Variants in VEPH1 observed in about 807,000 individuals in gnomAD.
VEPH1 encodes ventricular zone-expressed PH domain-containing protein homolog 1.
A neutral mutation model predicts 85.2 loss-of-function variants in VEPH1; 80 were observed. That is an observed-to-expected ratio of 0.94 (90% CI 0.78 to 1.13). The LOEUF (loss-of-function observed/expected upper bound fraction) is 1.13, where lower values mean the gene tolerates loss of function less well. VEPH1 is among the 50% of genes most tolerant of loss of function. VEPH1 has a pLI of 0.00. For synonymous variants in VEPH1, 297 were observed against 348.0 expected (o/e 0.85, Z 1.63); for missense variants, 955 against 980.5 (o/e 0.97, Z 0.35).
chr3:157,291,819 GCA>G (rs1345726573), intron 11 of VEPH1, among the ~76,000 whole-genome samples: 2 of 152,104 alleles, frequency 1.3e-5, no homozygotes, highest in Non-Finnish European at 2.9e-5. Context: ...ACTAATTGAA[GCA>G]CATAGATCTT....
intron 7 of VEPH1, among the ~76,000 whole-genome samples, chr3:157,365,867 G>C (rs999945538): frequency 8.6e-5 from 13 of 152,046 alleles, no homozygotes; most frequent in Non-Finnish European, 1.8e-4. Context: ...GGAATTTTAG[G>C]GGTTATTATG....
rs150190981 is a variant in VEPH1 at position 157,291,930 on chromosome 3, T to C, written c.2011-5256A>G. On this transcript the variant is annotated intron_variant, in intron 11 of 13. Coordinates refer to ENST00000362010, the MANE Select transcript of VEPH1 (RefSeq NM_001167912.2). ...TTCCAGACTACATTTGTTAAAAAAATCTATCTCTCTCTCTATATATCTATC... is the reference window on the plus strand; with the variant it reads ...TTCCAGACTACATTTGTTAAAAAAACCTATCTCTCTCTCTATATATCTATC... Among the ~76,000 whole-genome samples the C allele has an allele frequency of 9.4e-4, 143 of 152,356 alleles. 1 individual carries two copies. Among genetic ancestry groups the C allele is most frequent in the East Asian group, 1.5e-3 (8 of 5,190 alleles).
chr3:157,491,602 A>C (rs1239675232), intron 2 of VEPH1, among the ~76,000 whole-genome samples: 2 of 152,072 alleles, frequency 1.3e-5, no homozygotes, highest in Non-Finnish European at 1.5e-5. Context: ...AAGTTTAATT[A>C]TTTTTGTGAG....
At chr3:157,289,002 T>C (rs1405825415) in intron 11 of VEPH1, among the ~76,000 whole-genome samples, 1 of 152,212 alleles carries the variant, frequency 6.6e-6, no homozygotes, top group African/African-American at 2.4e-5. Flanking sequence ...AAAAGACTTT[T>C]TTTTTAAAAA....
chr3:157,261,379 C>T lies in VEPH1; in HGVS notation c.2266-9G>A. On this transcript the variant is annotated splice_polypyrimidine_tract_variant and intron_variant, in intron 13 of 13. Transcript: ENST00000362010. ...TCGTCAGGGTCATCTTTCTGAAAGGCATGGGAAGAAAAGAACATGGGCTGG... is the reference window on the plus strand; with the variant it reads ...TCGTCAGGGTCATCTTTCTGAAAGGTATGGGAAGAAAAGAACATGGGCTGG... 2 of 1,612,586 alleles carry T rather than the reference C, an allele frequency of 1.2e-6. No individual in the cohort carries two copies. Among genetic ancestry groups the T allele is most frequent in the Non-Finnish European group, 1.7e-6 (2 of 1,179,110 alleles).
intron 7 of VEPH1, among the ~76,000 whole-genome samples, chr3:157,368,112 G>C (rs1277955427): frequency 2.6e-5 from 4 of 152,188 alleles, no homozygotes; most frequent in African/African-American, 9.7e-5. Flanking sequence ...TCACGGGGTT[G>C]GTAGAATGAT....
intron 9 of VEPH1, among the ~76,000 whole-genome samples, chr3:157,332,312 G>A (rs1464737119): frequency 1.3e-5 from 2 of 152,074 alleles, no homozygotes; most frequent in African/African-American, 4.8e-5. Flanking sequence ...TTATGATGTT[G>A]TACACCTATC....
chr3:157,358,532 C>T (rs772245941), intron 9 of VEPH1, among the ~76,000 whole-genome samples: 1 of 152,132 alleles, frequency 6.6e-6, no homozygotes, highest in Non-Finnish European at 1.5e-5. Context: ...AAGAAACCTT[C>T]CCCAGAAGCA....
intron 9 of VEPH1, among the ~76,000 whole-genome samples, chr3:157,349,724 A>G (rs1724642936): frequency 4.0e-5 from 6 of 151,654 alleles, no homozygotes; most frequent in Admixed American, 4.0e-4. Flanking sequence ...CTATACACAA[A>G]CAATGAATTA....
chr3:157,297,700 G>A (rs1370758235), intron 11 of VEPH1, among the ~76,000 whole-genome samples: 1 of 152,120 alleles, frequency 6.6e-6, no homozygotes, highest in Non-Finnish European at 1.5e-5. Flanking sequence ...GCATAAGGCA[G>A]TTCACAGATG....
At chr3:157,442,872 G>A in intron 4 of VEPH1, 1 of 1,614,240 alleles carries the variant, frequency 6.2e-7, no homozygotes, top group Non-Finnish European at 8.5e-7. Context: ...TAGCAATGAA[G>A]AGATAAGAGA....
chr3:157,472,639 T>C (rs916981242), intron 2 of VEPH1, among the ~76,000 whole-genome samples: 1 of 152,160 alleles, frequency 6.6e-6, no homozygotes, highest in Admixed American at 6.5e-5. Context: ...CTAGTACCCA[T>C]TCGTTATTTT....
intron 9 of VEPH1, among the ~76,000 whole-genome samples, chr3:157,326,807 T>C (rs929520044): frequency 2.6e-5 from 4 of 152,154 alleles, no homozygotes; most frequent in African/African-American, 4.8e-5. Flanking sequence ...CGCTGAAGAT[T>C]CACTCCCAGG....
intron 6 of VEPH1, among the ~76,000 whole-genome samples, chr3:157,402,250 C>A (rs1228107591): frequency 6.6e-6 from 1 of 152,112 alleles, no homozygotes; most frequent in East Asian, 1.9e-4. Flanking sequence ...ACTCTCTTAC[C>A]CCCTAGCTTT....
rs907536071 is a variant in VEPH1, at chr3:157,390,868, G to A, written c.907-9492C>T. On this transcript the variant is annotated intron_variant, in intron 6 of 13. Coordinates refer to ENST00000362010, the MANE Select transcript of VEPH1 (RefSeq NM_001167912.2). ...ACTCCCTGAGCCAGAGCTGTGACAC[G>A]CTGTAACATCCCCTCGGGGCTCCAT... is the stretch of plus-strand genomic sequence containing the variant. Among the ~76,000 whole-genome samples, 4 of 152,314 alleles carry A rather than the reference G, an allele frequency of 2.6e-5. 1 individual carries two copies. In the East Asian group the frequency reaches 7.7e-4, roughly 29 times the overall value.
intron 3 of VEPH1, among the ~76,000 whole-genome samples, chr3:157,461,111 C>T (rs952090762): frequency 1.3e-5 from 2 of 151,608 alleles, no homozygotes; most frequent in Non-Finnish European, 1.5e-5. Flanking sequence ...AAGATTAAAA[C>T]CTAAAGGTAT....
intron 7 of VEPH1, among the ~76,000 whole-genome samples, chr3:157,375,168 G>T (rs1727946126): frequency 6.6e-6 from 1 of 152,332 alleles, no homozygotes; most frequent in South Asian, 2.1e-4. Context: ...AGAGGGGAAA[G>T]CTCCTAGCAC....
chr3:157,445,328 T>G (rs1734461066), intron 4 of VEPH1, among the ~76,000 whole-genome samples: 1 of 152,154 alleles, frequency 6.6e-6, no homozygotes, highest in Admixed American at 6.6e-5. Context: ...TTTATTTTAA[T>G]TTAAAAAACT....
intron 3 of VEPH1, among the ~76,000 whole-genome samples, chr3:157,464,598 T>A (rs928827629): frequency 6.6e-6 from 1 of 152,194 alleles, no homozygotes; most frequent in African/African-American, 2.4e-5. Flanking sequence ...AATTTAGCTG[T>A]AGAGGTTAAA....
Sources: gnomAD v4.1 joint callset for allele counts (sites outside exome capture counted in the v4.1 genomes callset) on GRCh38, gnomAD v4.1.1 for gene constraint, MANE v1.5 for transcripts, NCBI Gene and HGNC (gene_info 2026-07-23, HGNC 2026-07-21) for gene names.